The following NCALD variants were observed in gnomAD, a reference collection of about 807,000 sequenced individuals.
The protein encoded by NCALD is neurocalcin-delta.
A neutral mutation model predicts 18.6 loss-of-function variants in NCALD; 10 were observed. The observed-to-expected ratio is 0.54, with a 90% CI of 0.33 to 0.91. NCALD has a LOEUF of 0.91. Ranked by LOEUF, NCALD falls within the 40% of genes least tolerant of loss-of-function variation. The probability of loss-of-function intolerance (pLI) is 0.03; values close to 1 mark genes in which losing one functional copy is unlikely to be tolerated. For missense variants in NCALD, 184 were observed against 247.6 expected (o/e 0.74, Z 1.72); for synonymous variants, 88 against 87.4 (o/e 1.01, Z -0.04).
At chr8:102,108,531 C>T (rs1242888319) in intron 1 of NCALD, among the ~76,000 whole-genome samples, 1 of 152,228 alleles carries the variant, frequency 6.6e-6, no homozygotes, top group African/African-American at 2.4e-5. Context: ...GGACAGAAAA[C>T]ATCCTCCGTC....
intron 1 of NCALD, among the ~76,000 whole-genome samples, chr8:102,045,089 C>T (rs1186677828): frequency 6.6e-6 from 1 of 152,206 alleles, no homozygotes; most frequent in Non-Finnish European, 1.5e-5. Context: ...AAACCCAGGG[C>T]TTTCTACAGT....
intron 1 of NCALD, chr8:101,750,286 A>G (rs1810600653): frequency 6.6e-6 from 1 of 152,208 alleles, no homozygotes; most frequent in Admixed American, 6.5e-5. Flanking sequence ...GGGTGGGGAC[A>G]CAGCCAAACC....
chr8:101,863,973 G>T (rs1014690906), intron 4 of NCALD, among the ~76,000 whole-genome samples: 2 of 152,086 alleles, frequency 1.3e-5, no homozygotes, highest in African/African-American at 4.8e-5. Flanking sequence ...GATGGGGCCT[G>T]GGCATTAGAG....
intron 1 of NCALD, among the ~76,000 whole-genome samples, chr8:102,116,405 G>A (rs767759274): frequency 1.3e-5 from 2 of 152,182 alleles, no homozygotes; most frequent in Non-Finnish European, 1.5e-5. Context: ...ACTGAGCTCT[G>A]TCATGGATTG....
At chr8:101,730,029 A>G (rs1192654024) in intron 1 of NCALD, among the ~76,000 whole-genome samples, 4 of 152,228 alleles carry the variant, frequency 2.6e-5, no homozygotes, top group Non-Finnish European at 4.4e-5. Flanking sequence ...GAGAAAGTGA[A>G]TATCTTCATT....
At chr8:101,787,297 C>A (rs2130995339) in intron 1 of NCALD, among the ~76,000 whole-genome samples, 1 of 152,272 alleles carries the variant, frequency 6.6e-6, no homozygotes, top group African/African-American at 2.4e-5. Flanking sequence ...GGCAAGTGTT[C>A]TTTTCTAATC....
At chr8:101,839,874 G>A (rs1043137764) in intron 4 of NCALD, among the ~76,000 whole-genome samples, 11 of 152,128 alleles carry the variant, frequency 7.2e-5, no homozygotes, top group African/African-American at 2.7e-4. Flanking sequence ...GGTCTCGGAG[G>A]GCAAGGATCT....
chr8:102,053,028 C>T (rs1368873616), intron 1 of NCALD, among the ~76,000 whole-genome samples: 1 of 152,220 alleles, frequency 6.6e-6, no homozygotes, highest in Non-Finnish European at 1.5e-5. Context: ...TAAAAGAAAT[C>T]TCAAAACATT....
At chr8:101,756,935 G>A (rs1810907276) in intron 1 of NCALD, among the ~76,000 whole-genome samples, 1 of 152,220 alleles carries the variant, frequency 6.6e-6, no homozygotes, top group Non-Finnish European at 1.5e-5. Flanking sequence ...GGGTGTGGCT[G>A]AGAACTTCTG....
chr8:101,832,156 A>G (rs569843615), intron 4 of NCALD, among the ~76,000 whole-genome samples: 2 of 152,200 alleles, frequency 1.3e-5, no homozygotes, highest in East Asian at 1.9e-4. Context: ...AACTTACATT[A>G]TATCTGACTT....
At chr8:101,706,948 T>G (rs1295721739) in intron 2 of NCALD, among the ~76,000 whole-genome samples, 1 of 152,228 alleles carries the variant, frequency 6.6e-6, no homozygotes, top group Non-Finnish European at 1.5e-5. Flanking sequence ...AGTCAGTTCT[T>G]GGAGGAAGTC....
intron 2 of NCALD, chr8:101,986,424 GCT>G (rs1451382651): frequency 6.6e-6 from 1 of 152,218 alleles, no homozygotes; most frequent in African/African-American, 2.4e-5. Context: ...CCACCTATAA[GCT>G]CTGATTCACG....
intron 4 of NCALD, chr8:101,872,539 G>A (rs1816062806): frequency 1.5e-6 from 1 of 679,356 alleles, no homozygotes; most frequent in Non-Finnish European, 2.7e-6. Flanking sequence ...GTCTGTGTTG[G>A]GGTCCTGCAT....
intron 1 of NCALD, among the ~76,000 whole-genome samples, chr8:102,059,578 T>A (rs971379125): frequency 6.6e-6 from 1 of 152,134 alleles, no homozygotes; most frequent in African/African-American, 2.4e-5. Flanking sequence ...TAGTAAAATA[T>A]CAAAATAGGA....
At chr8:101,798,785 T>G (rs1303457294) in intron 4 of NCALD, among the ~76,000 whole-genome samples, 1 of 152,196 alleles carries the variant, frequency 6.6e-6, no homozygotes, top group Non-Finnish European at 1.5e-5. Context: ...ATCAAGACTG[T>G]GGGATACTGG....
intron 2 of NCALD, among the ~76,000 whole-genome samples, chr8:101,948,799 T>C (rs1407639193): frequency 6.6e-6 from 1 of 152,192 alleles, no homozygotes; most frequent in Non-Finnish European, 1.5e-5. Context: ...TATGGGGAAG[T>C]CCTGGCTCCA....
intron 4 of NCALD, among the ~76,000 whole-genome samples, chr8:101,885,561 C>T (rs187185795): frequency 6.6e-6 from 1 of 152,316 alleles, no homozygotes; most frequent in East Asian, 1.9e-4. Flanking sequence ...AATTTCTCAT[C>T]CAAATCATCC....
rs548801183 is a variant in NCALD at position 101,892,793 on chromosome 8, C to T, written c.-106-5566G>A. 2.2e-4 allele frequency among the ~76,000 whole-genome samples: 33 copies of T among 149,582 alleles called. 1 individual carries two copies. Among genetic ancestry groups the T allele is most frequent in the South Asian group, 1.2e-3 (6 of 4,804 alleles). Reference sequence around the variant, plus strand: ...GGAAGATGAAATGAATGGAATGAAGCGAGAAGGGAAGTTTAGAGAAAAAAG... The same window carrying T: ...GGAAGATGAAATGAATGGAATGAAGTGAGAAGGGAAGTTTAGAGAAAAAAG... On this transcript the variant is annotated intron_variant, in intron 3 of 6. Transcript: ENST00000311028.
At chr8:102,000,098 C>T (rs939527243) in intron 2 of NCALD, among the ~76,000 whole-genome samples, 4 of 152,216 alleles carry the variant, frequency 2.6e-5, no homozygotes, top group Admixed American at 1.3e-4. Flanking sequence ...TTGCCTCACC[C>T]AGGAAGTGCA....
Sources: gnomAD v4.1 joint callset for allele counts (sites outside exome capture counted in the v4.1 genomes callset) on GRCh38, gnomAD v4.1.1 for gene constraint, MANE v1.5 for transcripts, NCBI Gene and HGNC (gene_info 2026-07-23, HGNC 2026-07-21) for gene names.